Variants in CAMSAP2 observed in about 807,000 individuals in gnomAD.
The protein encoded by CAMSAP2 is calmodulin-regulated spectrin-associated protein 2.
A neutral mutation model predicts 146.1 loss-of-function variants in CAMSAP2; 26 were observed. The observed-to-expected ratio is 0.18, with a 90% CI of 0.13 to 0.25. The LOEUF is 0.25. Ranked by LOEUF, CAMSAP2 falls within the 10% of genes least tolerant of loss-of-function variation. The pLI is 1.00. For missense variants in CAMSAP2, 1,381 were observed against 1,759.3 expected (o/e 0.78, Z 3.85); for synonymous variants, 499 against 596.6 (o/e 0.84, Z 2.38).
At chr1:200,798,196 C>T (rs1399945776) in intron 2 of CAMSAP2, among the ~76,000 whole-genome samples, 10 of 150,170 alleles carry the variant, frequency 6.7e-5, no homozygotes, top group African/African-American at 2.2e-4. Flanking sequence ...TTTTCCAATT[C>T]TGTGAAGAAA....
chr1:200,808,863 T>C (rs181762209), intron 3 of CAMSAP2, among the ~76,000 whole-genome samples: 1 of 152,390 alleles, frequency 6.6e-6, no homozygotes, highest in Admixed American at 6.5e-5. Context: ...TAGATTTTTA[T>C]AAGTACTCTC....
At chr1:200,818,596 A>C (rs1008289282) in intron 4 of CAMSAP2, among the ~76,000 whole-genome samples, 35 of 152,102 alleles carry the variant, frequency 2.3e-4, no homozygotes, top group African/African-American at 7.7e-4. Flanking sequence ...ATTTAACATA[A>C]TCTTACTGTA....
intron 2 of CAMSAP2, among the ~76,000 whole-genome samples, chr1:200,789,986 A>C (rs931849869): frequency 4.6e-5 from 7 of 152,136 alleles, no homozygotes; most frequent in African/African-American, 1.7e-4. Flanking sequence ...TGGCTTTTGT[A>C]TGTTAACCTT....
chr1:200,848,652 C>G lies in CAMSAP2; in HGVS notation c.1883C>G (p.Ser628Trp). 1.9e-6 allele frequency: 3 copies of G among 1,614,074 alleles called. No individual in the cohort carries two copies. Among genetic ancestry groups the G allele is most frequent in the Non-Finnish European group, 2.5e-6 (3 of 1,179,978 alleles). The change falls in exon 11 of 17, where the codon TCG becomes TGG. Residue 628 changes from serine to tryptophan, a missense_variant. By Grantham distance (177) the Ser-to-Trp change is radical. This residue lies in a region of CAMSAP2 where 447 missense variants were observed against 462.2 expected (regional missense o/e 0.97). Coordinates refer to ENST00000358823, the MANE Select transcript of CAMSAP2 (RefSeq NM_203459.4). ...CCTGAAACTATGGACGAAGATTCTTCGTTGAGAGATTATACTGTAAGCTTG... is the reference window on the plus strand; with the variant it reads ...CCTGAAACTATGGACGAAGATTCTTGGTTGAGAGATTATACTGTAAGCTTG... ...DIPETMDEDS[S>W]LRDYTVSLDS... is the part of the protein sequence containing the mutation.
rs780012532 is a variant in CAMSAP2, at chr1:200,842,119, A to G, written c.1021+32A>G. On this transcript the variant is annotated intron_variant, in intron 7 of 16. Transcript: ENST00000358823. ...AATCTTTTTAATTTTAAATGTTCCT[A>G]TGAACAGAAAAAAATGGAATGTTGA... The G allele has an allele frequency of 2.7e-6, 4 of 1,500,402 alleles. No individual in the cohort carries two copies. The South Asian group carries it at 3.4e-5, about 13-fold the overall frequency. 92.9% of individuals were successfully genotyped at this position (1,500,402 alleles called of 1,614,324 possible).
chr1:200,836,306 G>A (rs1261445233), intron 6 of CAMSAP2, among the ~76,000 whole-genome samples: 1 of 151,864 alleles, frequency 6.6e-6, no homozygotes, highest in African/African-American at 2.4e-5. Flanking sequence ...TTCTCTTTCT[G>A]TCCCTGTGTT....
intron 1 of CAMSAP2, among the ~76,000 whole-genome samples, chr1:200,754,466 A>G (rs2102995129): frequency 6.6e-6 from 1 of 151,218 alleles, no homozygotes; most frequent in South Asian, 2.1e-4. Context: ...ACTGTTACCC[A>G]CCATTTTAGA....
intron 2 of CAMSAP2, among the ~76,000 whole-genome samples, chr1:200,770,124 T>C (rs757613652): frequency 3.9e-5 from 6 of 152,048 alleles, no homozygotes; most frequent in Non-Finnish European, 7.4e-5. Flanking sequence ...AAAAAGTGAG[T>C]GTGGAAACGG....
chr1:200,857,904 G>C lies in CAMSAP2; in HGVS notation c.4282G>C (p.Glu1428Gln). The C allele has an allele frequency of 6.2e-7, 1 of 1,613,798 alleles. No homozygotes were observed. The change falls in exon 17 of 17, where the codon GAA (glutamate) becomes CAA (glutamine). Residue 1428 changes from glutamate (E) to glutamine (Q), a missense_variant. By Grantham distance (29) the Glu-to-Gln change is conservative. Coordinates refer to ENST00000358823, the MANE Select transcript of CAMSAP2 (RefSeq NM_203459.4). This position sits in a 1 kb window ranked among gnomAD's most constrained non-coding sequence, Gnocchi z 4.7. ...TAAATCTATCACTAAAAAAATGATT[G>C]AAGGACTTTACAAATATAATTCTGA... ...GPKSITKKMI[E>Q]GLYKYNSDRK...
In CAMSAP2 at chr1:200,739,749, TCCCTCCCGA is replaced by T; in HGVS notation, c.-75_-67del. On this transcript the variant is annotated 5_prime_UTR_variant, in exon 1 of 17. Coordinates refer to ENST00000358823, the MANE Select transcript of CAMSAP2 (RefSeq NM_203459.4). This position sits in a 1 kb window ranked among gnomAD's most constrained non-coding sequence, Gnocchi z 4.8. ...CCGATGGTTTGAGCTTGCTTCTCCC[TCCCTCCCGA>T]CCCCCGTGGTGGCGAGGCCACGCCA... 1 of 864,876 alleles carries T rather than the reference TCCCTCCCGA, an allele frequency of 1.2e-6. No homozygotes were observed. Among genetic ancestry groups the T allele is most frequent in the South Asian group, 1.5e-5 (1 of 66,386 alleles). The allele number at this position is 864,876 out of a possible 1,614,324, so 53.6% of individuals were successfully genotyped here.
intron 8 of CAMSAP2, among the ~76,000 whole-genome samples, chr1:200,845,119 C>T (rs1180664964): frequency 6.6e-6 from 1 of 152,004 alleles, no homozygotes; most frequent in Non-Finnish European, 1.5e-5. Flanking sequence ...AACCTAAAAC[C>T]AAACTTTTGA....
chr1:200,779,300 A>G (rs190251943), intron 2 of CAMSAP2, among the ~76,000 whole-genome samples: 1 of 152,322 alleles, frequency 6.6e-6, no homozygotes, highest in East Asian at 1.9e-4. Flanking sequence ...GATTTTTAAA[A>G]GATAGAAAAG....
At chr1:200,831,324 TC>T (rs1206594373) in intron 4 of CAMSAP2, among the ~76,000 whole-genome samples, 18 of 152,262 alleles carry the variant, frequency 1.2e-4, no homozygotes, top group Admixed American at 2.0e-4. Flanking sequence ...TACTTAATCT[TC>T]CAGTGGTTCT....
intron 6 of CAMSAP2, among the ~76,000 whole-genome samples, chr1:200,838,737 G>A (rs1667245039): frequency 6.6e-6 from 1 of 152,184 alleles, no homozygotes; most frequent in African/African-American, 2.4e-5. Context: ...TGGAAAGAGA[G>A]TTGCATTTTG....
chr1:200,853,166 C>A lies in CAMSAP2; in HGVS notation c.3603-109C>A. ...ACCTTTTAAATGAACCATTTATTCA[C>A]CAAGGTGATGAAATAGAATTCTCCT... On this transcript the variant is annotated intron_variant, in intron 12 of 16. Transcript: ENST00000358823. This position sits in a 1 kb window ranked among gnomAD's most constrained non-coding sequence, Gnocchi z 5.1. 1 of 949,764 alleles carries A rather than the reference C, an allele frequency of 1.1e-6. No homozygotes were observed. The highest frequency in any genetic ancestry group is 1.6e-5 in the South Asian group (1 of 60,984). 58.8% of individuals were successfully genotyped at this position (949,764 alleles called of 1,614,324 possible). A position where few individuals can be genotyped will look rare whatever the true frequency, so the allele number is the denominator to read the frequency against.
chr1:200,821,571 G>T (rs1478980825), intron 4 of CAMSAP2, among the ~76,000 whole-genome samples: 3 of 152,146 alleles, frequency 2.0e-5, no homozygotes, highest in African/African-American at 7.2e-5. Context: ...ATGTTGGCCA[G>T]GCTGGTCTCA....
chr1:200,835,099 G>C (rs1387682697), intron 6 of CAMSAP2, among the ~76,000 whole-genome samples: 3 of 152,272 alleles, frequency 2.0e-5, no homozygotes, highest in Non-Finnish European at 4.4e-5. Flanking sequence ...AAACCATTTG[G>C]AAGCAGACTG....
At chr1:200,822,749 A>G (rs896126890) in intron 4 of CAMSAP2, among the ~76,000 whole-genome samples, 3 of 152,166 alleles carry the variant, frequency 2.0e-5, no homozygotes, top group African/African-American at 4.8e-5. Flanking sequence ...GTTTTTTCCT[A>G]TACAGCAATG....
chr1:200,754,871 C>T (rs1047076265), intron 1 of CAMSAP2, among the ~76,000 whole-genome samples: 18 of 151,984 alleles, frequency 1.2e-4, no homozygotes, highest in Admixed American at 4.6e-4. Context: ...CGTGAGCCAC[C>T]GCGCCTGGCC....
Sources: allele counts gnomAD v4.1 joint callset (sites outside exome capture counted in the v4.1 genomes callset), GRCh38; gene constraint gnomAD v4.1.1; regional missense constraint gnomAD v4.1.1; non-coding constraint Gnocchi (gnomAD v3.1); transcripts MANE v1.5; gene names NCBI Gene and HGNC (gene_info 2026-07-23, HGNC 2026-07-21).